The following RBFOX1 variants were observed in gnomAD, a reference collection of about 807,000 sequenced individuals.
RBFOX1 encodes the protein RNA binding fox-1 homolog 1.
RBFOX1 carries 8 observed loss-of-function variants against 57.7 expected under a neutral mutation model. The observed-to-expected ratio is 0.14, with a 90% CI of 0.08 to 0.25. RBFOX1 has a LOEUF of 0.25. Among genes scored for constraint, RBFOX1 ranks in the 10% least tolerant of loss-of-function variants. The pLI is 1.00. For synonymous variants in RBFOX1, 326 were observed against 222.4 expected (o/e 1.47, Z -4.15); for missense variants, 611 against 548.5 (o/e 1.11, Z -1.14).
intron 1 of RBFOX1, among the ~76,000 whole-genome samples, chr16:6,074,359 C>T (rs1242538712): frequency 6.6e-6 from 1 of 152,104 alleles, no homozygotes; most frequent in African/African-American, 2.4e-5. Context: ...AACATTTCAC[C>T]CCCTTATAGC....
chr16:6,843,041 T>G (rs2093571703), intron 3 of RBFOX1, among the ~76,000 whole-genome samples: 1 of 152,216 alleles, frequency 6.6e-6, no homozygotes, highest in Admixed American at 6.5e-5. Context: ...ATGGTGTGTA[T>G]GTGCCACGTG....
At chr16:6,645,387 G>C (rs145047954) in intron 2 of RBFOX1, among the ~76,000 whole-genome samples, 2 of 152,078 alleles carry the variant, frequency 1.3e-5, no homozygotes, top group Non-Finnish European at 2.9e-5. Context: ...CGGGAGCTTC[G>C]TTGTCCGGTG....
At chr16:6,663,311 G>C (rs1010931566) in intron 3 of RBFOX1, among the ~76,000 whole-genome samples, 1 of 152,156 alleles carries the variant, frequency 6.6e-6, no homozygotes, top group Non-Finnish European at 1.5e-5. Flanking sequence ...CTGCCGTGAG[G>C]AAGAAGAAAG....
rs377446061 is a variant in RBFOX1, at chr16:6,560,396, C to G, written c.-63-94207C>G. 5.8e-3 allele frequency among the ~76,000 whole-genome samples: 884 copies of G among 151,640 alleles called. 7 individuals carry two copies. The highest frequency in any genetic ancestry group is 0.02 in the African/African-American group (833 of 41,226). On this transcript the variant is annotated intron_variant, in intron 2 of 15. Transcript: ENST00000550418. ...TGAGGAGGAGAGGGCCAGTGTGGGC[C>G]TTACTGTGAAGGTGACATTTTGGCA...
At chr16:6,308,316 T>C (rs1599458238) in intron 1 of RBFOX1, among the ~76,000 whole-genome samples, 1 of 152,342 alleles carries the variant, frequency 6.6e-6, no homozygotes, top group East Asian at 1.9e-4. Context: ...ATGTAGATCC[T>C]TGTGGCCCTG....
intron 2 of RBFOX1, among the ~76,000 whole-genome samples, chr16:6,617,929 C>G (rs937564269): frequency 3.3e-5 from 5 of 152,118 alleles, no homozygotes; most frequent in Non-Finnish European, 5.9e-5. Flanking sequence ...CAAAACTTTT[C>G]AAACATGGAG....
intron 2 of RBFOX1, among the ~76,000 whole-genome samples, chr16:6,599,225 C>T (rs1295333105): frequency 4.6e-5 from 7 of 152,184 alleles, no homozygotes; most frequent in African/African-American, 1.4e-4. Flanking sequence ...TTATCCAGAA[C>T]ATGGGTATTG....
intron 3 of RBFOX1, among the ~76,000 whole-genome samples, chr16:6,965,212 A>T (rs1004862680): frequency 2.0e-5 from 3 of 152,134 alleles, no homozygotes; most frequent in African/African-American, 7.2e-5. Context: ...TAAATCACTA[A>T]TGAAAAGGAA....
intron 4 of RBFOX1, among the ~76,000 whole-genome samples, chr16:5,913,037 G>A (rs187691157): frequency 2.8e-4 from 42 of 152,282 alleles, no homozygotes; most frequent in Non-Finnish European, 3.5e-4. Flanking sequence ...TCAGACTCTA[G>A]CATTGCCAAG....
intron 1 of RBFOX1, among the ~76,000 whole-genome samples, chr16:5,364,491 T>C (rs1383466934): frequency 1.3e-5 from 2 of 152,238 alleles, no homozygotes; most frequent in Admixed American, 1.3e-4. Flanking sequence ...ACTTACTTTC[T>C]TGGTTCCCGA....
intron 2 of RBFOX1, among the ~76,000 whole-genome samples, chr16:6,520,236 C>T (rs1305202952): frequency 6.6e-6 from 1 of 152,130 alleles, no homozygotes; most frequent in Non-Finnish European, 1.5e-5. Context: ...AGGATGTATT[C>T]AAAATTTAAA....
chr16:6,782,034 G>C (rs1603622807), intron 3 of RBFOX1, among the ~76,000 whole-genome samples: 1 of 151,976 alleles, frequency 6.6e-6, no homozygotes, highest in African/African-American at 2.4e-5. Flanking sequence ...TTTATACGGA[G>C]CCTTGCTCTG....
chr16:6,860,987 G>C (rs547839241), intron 3 of RBFOX1, among the ~76,000 whole-genome samples: 15 of 152,288 alleles, frequency 9.8e-5, no homozygotes, highest in Non-Finnish European at 1.5e-4. Flanking sequence ...AGCTATGTGG[G>C]AATGATACAC....
intron 4 of RBFOX1, among the ~76,000 whole-genome samples, chr16:7,058,614 G>A (rs957269857): frequency 4.6e-5 from 7 of 151,990 alleles, no homozygotes; most frequent in Non-Finnish European, 8.8e-5. Flanking sequence ...CTTCGTGTTT[G>A]TATTTTTGCA....
At chr16:5,963,941 A>C (rs976429303) in intron 4 of RBFOX1, among the ~76,000 whole-genome samples, 3 of 152,204 alleles carry the variant, frequency 2.0e-5, no homozygotes, top group Non-Finnish European at 4.4e-5. Context: ...TAGCAAAGGA[A>C]ACCCTCAACA....
At chr16:7,205,680 A>G (rs766231527) in intron 4 of RBFOX1, among the ~76,000 whole-genome samples, 6 of 152,208 alleles carry the variant, frequency 3.9e-5, no homozygotes, top group Non-Finnish European at 7.3e-5. Flanking sequence ...CATTAATAAC[A>G]TTGACGTAAA....
At chr16:6,681,907 C>A (rs2058706431) in intron 3 of RBFOX1, among the ~76,000 whole-genome samples, 1 of 152,134 alleles carries the variant, frequency 6.6e-6, no homozygotes, top group Non-Finnish European at 1.5e-5. Context: ...CAGGAATATG[C>A]TTGTGAAAAG....
At chr16:6,483,642 A>G in intron 2 of RBFOX1, 3 of 1,165,430 alleles carry the variant, frequency 2.6e-6, no homozygotes, top group Non-Finnish European at 3.3e-6. Flanking sequence ...GCTTCTGCAG[A>G]GGCTTCCTGA....
intron 3 of RBFOX1, among the ~76,000 whole-genome samples, chr16:5,787,299 A>C (rs1275430015): frequency 6.6e-6 from 1 of 152,228 alleles, no homozygotes; most frequent in Non-Finnish European, 1.5e-5. Context: ...CATAAGCATC[A>C]GAGGTGTCCT....
Sources: allele counts gnomAD v4.1 joint callset (sites outside exome capture counted in the v4.1 genomes callset), GRCh38; gene constraint gnomAD v4.1.1; transcripts MANE v1.5; gene names NCBI Gene and HGNC (gene_info 2026-07-23, HGNC 2026-07-21).